Variants in GPR55 observed in about 807,000 individuals in gnomAD.
GPR55 encodes G protein-coupled receptor 55, also known as G-protein coupled receptor 55.
GPR55 carries 6 observed loss-of-function variants against 7.9 expected under a neutral mutation model. That is an observed-to-expected ratio of 0.76 (90% confidence interval 0.41 to 1.49). GPR55 has a LOEUF of 1.49. Ranked by LOEUF, GPR55 falls within the 40% of genes most tolerant of loss-of-function variation. The probability of loss-of-function intolerance (pLI) is 0.01; values close to 1 mark genes in which losing one functional copy is unlikely to be tolerated. For missense variants in GPR55, 376 were observed against 406.0 expected, an observed-to-expected ratio of 0.93 and a Z score of 0.63; for synonymous variants, 183 against 166.8, an observed-to-expected ratio of 1.10 and a Z score of -0.75.
intron 1 of GPR55, among the ~76,000 whole-genome samples, chr2:230,959,411 T>G (rs1691535777): frequency 6.6e-6 from 1 of 152,080 alleles, no homozygotes; most frequent in Admixed American, 6.5e-5. Flanking sequence ...ATTGCGCCAC[T>G]GCACTCCAGC....
intron 1 of GPR55, among the ~76,000 whole-genome samples, chr2:230,960,032 C>A (rs1296606903): frequency 6.6e-6 from 1 of 152,242 alleles, no homozygotes; most frequent in East Asian, 1.9e-4. Flanking sequence ...CCCACCAGTA[C>A]ATGCCTGGGC....
chr2:230,910,375 G>A lies in GPR55; in HGVS notation c.588C>T (p.Ile196=), dbSNP rs1419315400. 1 of 1,614,140 alleles carries A rather than the reference G, an allele frequency of 6.2e-7. No homozygotes were observed. The highest frequency in any genetic ancestry group is 1.3e-5 in the African/African-American group (1 of 75,026). ...TGCTCCTGGAGCAGCAGAAGCCCAT[G>A]ATGCCCATGGGAAGGAGGAAGCCAA... The part of the protein sequence containing the change: ...EVFGFLLPMG[I]MGFCCSRSIH... Residue 196 remains isoleucine, a synonymous_variant, in exon 2 of 2, where the codon ATC becomes ATT. Transcript: ENST00000650999. The surrounding 1 kb of genome is among the most constrained non-coding windows in gnomAD (Gnocchi z 5.4).
At chr2:230,956,128 ATTTTAT>A (rs1691479534) in intron 1 of GPR55, among the ~76,000 whole-genome samples, 1 of 151,956 alleles carries the variant, frequency 6.6e-6, no homozygotes, top group African/African-American at 2.4e-5. Flanking sequence ...TGAAAGCAGG[ATTTTAT>A]TCCCAAATTT....
At chr2:230,947,540 G>C (rs2125068414) in intron 1 of GPR55, among the ~76,000 whole-genome samples, 1 of 132,994 alleles carries the variant, frequency 7.5e-6, no homozygotes, top group East Asian at 2.2e-4. Context: ...GTCTCACTCT[G>C]TCTCTCAGGC....
At chr2:230,938,573 C>T (rs1390158774) in intron 1 of GPR55, among the ~76,000 whole-genome samples, 1 of 152,180 alleles carries the variant, frequency 6.6e-6, no homozygotes, top group Non-Finnish European at 1.5e-5. Context: ...TTGACTGGGG[C>T]TGAGGATGCT....
At chr2:230,919,144 A>C (rs1282890628) in intron 1 of GPR55, among the ~76,000 whole-genome samples, 1 of 152,174 alleles carries the variant, frequency 6.6e-6, no homozygotes, top group Non-Finnish European at 1.5e-5. Flanking sequence ...TCTCAAAAGA[A>C]ATTCCAAATT....
intron 1 of GPR55, chr2:230,958,014 C>A: frequency 3.1e-6 from 1 of 319,962 alleles, no homozygotes; most frequent in Non-Finnish European, 6.4e-6. Context: ...CTAAGCTCAA[C>A]CACATAAAAC....
At chr2:230,955,598 T>C (rs1055862399) in intron 1 of GPR55, among the ~76,000 whole-genome samples, 3 of 152,250 alleles carry the variant, frequency 2.0e-5, no homozygotes, top group Non-Finnish European at 2.9e-5. Context: ...CTTCTTAGAA[T>C]TGTAAAGCAA....
At chr2:230,914,173 G>A (rs1396303171) in intron 1 of GPR55, among the ~76,000 whole-genome samples, 1 of 152,222 alleles carries the variant, frequency 6.6e-6, no homozygotes, top group African/African-American at 2.4e-5. Context: ...TGAATTGGGG[G>A]AACAAACGAA....
chr2:230,952,213 C>T lies in GPR55; in HGVS notation c.-135+8562G>A, dbSNP rs149780624. The stretch of plus-strand genomic sequence containing the variant: ...TATAGGGACAGGGAAAGCCTGAGGG[C>T]GGGCGCAGCTTGTGTGCCAGGAGCC... On this transcript the variant is annotated intron_variant, in intron 1 of 1. Transcript: ENST00000392039. Among the ~76,000 whole-genome samples the T allele has an allele frequency of 2.7e-3, 415 of 152,340 alleles. 3 individuals are homozygous for T. Among genetic ancestry groups the T allele is most frequent in the African/African-American group, 9.5e-3 (394 of 41,568 alleles).
intron 1 of GPR55, among the ~76,000 whole-genome samples, chr2:230,933,242 C>T (rs1691078022): frequency 6.6e-6 from 1 of 152,172 alleles, no homozygotes; most frequent in Admixed American, 6.5e-5. Flanking sequence ...TTCACTCTTC[C>T]TGTGCTCTTG....
chr2:230,930,051 A>T (rs1691009578), upstream of GPR55: 2 of 151,802 alleles, frequency 1.3e-5, no homozygotes, highest in Admixed American at 1.3e-4. Context: ...GGCAGCCAGG[A>T]CCCCCCCGCC....
In GPR55 at chr2:230,910,380, C is replaced by T. The variant is rs780452621; in HGVS notation, c.583G>A (p.Gly195Ser). The change falls in exon 2 of 2, where the codon GGC becomes AGC. Residue 195 changes from glycine (G) to serine (S), a missense_variant. Coordinates refer to ENST00000650999, the MANE Select transcript of GPR55 (RefSeq NM_005683.4). The surrounding 1 kb of genome is among the most constrained non-coding windows in gnomAD (Gnocchi z 5.4). ...LEVFGFLLPM[G>S]IMGFCCSRSI... ...CTGGAGCAGCAGAAGCCCATGATGC[C>T]CATGGGAAGGAGGAAGCCAAACACC... 18 of 1,613,824 alleles carry T rather than the reference C, an allele frequency of 1.1e-5. No homozygotes were observed. The highest frequency in any genetic ancestry group is 1.4e-5 in the Non-Finnish European group (17 of 1,179,924).
At chr2:230,916,577 T>C (rs988848328) in intron 1 of GPR55, among the ~76,000 whole-genome samples, 1 of 151,938 alleles carries the variant, frequency 6.6e-6, no homozygotes, top group Non-Finnish European at 1.5e-5. Flanking sequence ...CAAGTTTTAA[T>C]ATTGCGGATA....
chr2:230,910,142 A>G lies in GPR55; in HGVS notation c.821T>C (p.Met274Thr), dbSNP rs370937154. 3 of 1,614,068 alleles carry G rather than the reference A, an allele frequency of 1.9e-6. No individual in the cohort carries two copies. Among genetic ancestry groups the G allele is most frequent in the African/African-American group, 2.7e-5 (2 of 74,930 alleles). The change falls in exon 2 of 2, where the codon ATG (methionine) becomes ACG (threonine). Residue 274 changes from methionine to threonine, a missense_variant. Met to Thr is a moderately conservative substitution (Grantham distance 81). Transcript: ENST00000650999. This position sits in a 1 kb window ranked among gnomAD's most constrained non-coding sequence, Gnocchi z 5.4. ...GCAGCAGTTGACGTTGGAGAAACAC[A>G]TGGACAATTGCAAGAAGAAGCTGAT... is the stretch of plus-strand genomic sequence containing the variant. ...QSISFFLQLS[M>T]CFSNVNCCLD... is the part of the protein sequence containing the mutation.
chr2:230,932,732 C>G (rs1691068436), intron 1 of GPR55, among the ~76,000 whole-genome samples: 1 of 152,196 alleles, frequency 6.6e-6, no homozygotes, highest in Non-Finnish European at 1.5e-5. Context: ...AACCAGGCCT[C>G]TCTCCCACTC....
upstream of GPR55, among the ~76,000 whole-genome samples, chr2:230,930,235 C>G (rs575250409): frequency 5.9e-5 from 9 of 152,128 alleles, no homozygotes; most frequent in Non-Finnish European, 7.4e-5. Flanking sequence ...GATGGTGGAC[C>G]CTTTTGAAAT....
Position 230,910,628 on chromosome 2 carries a change from ATGG to A in GPR55, c.332_334del (p.Thr111del). The A allele has an allele frequency of 6.2e-7, 1 of 1,613,976 alleles. No homozygotes were observed. Among genetic ancestry groups the A allele is most frequent in the Non-Finnish European group, 8.5e-7 (1 of 1,179,974 alleles). On this transcript the variant is annotated inframe_deletion, in exon 2 of 2. Coordinates refer to ENST00000650999, the MANE Select transcript of GPR55 (RefSeq NM_005683.4). This position sits in a 1 kb window ranked among gnomAD's most constrained non-coding sequence, Gnocchi z 5.4. ...GAACCGGTCCATGCTGATGAAGCAG[ATGG>A]TGAAGACGCTTCCGTACATGCTGAC...
intron 1 of GPR55, among the ~76,000 whole-genome samples, chr2:230,949,737 T>C (rs1691371001): frequency 6.6e-6 from 1 of 152,158 alleles, no homozygotes; most frequent in Admixed American, 6.5e-5. Context: ...GATACCACAA[T>C]AGACTGAATA....
Sources: allele counts gnomAD v4.1 joint callset (sites outside exome capture counted in the v4.1 genomes callset), GRCh38; gene constraint gnomAD v4.1.1; non-coding constraint Gnocchi (gnomAD v3.1); transcripts MANE v1.5; gene names NCBI Gene and HGNC (gene_info 2026-07-23, HGNC 2026-07-21).